The following CBX7 variants were observed in gnomAD, a reference collection of about 807,000 sequenced individuals.
CBX7 encodes chromobox protein homolog 7.
In CBX7, 14 loss-of-function variants were observed where a neutral mutation model predicts 31.4. The ratio of observed to expected loss-of-function variants is 0.45; its 90% CI spans 0.29 to 0.70. The LOEUF is 0.70. Among genes scored for constraint, CBX7 ranks in the 30% least tolerant of loss-of-function variants. The pLI is 0.11. For missense variants in CBX7, 269 were observed against 351.9 expected (o/e 0.76, Z 1.89); for synonymous variants, 159 against 152.6 (o/e 1.04, Z -0.31).
At position 39,133,744 on chromosome 22, in the gene CBX7, GGTGGGAGA is replaced by G; in HGVS notation, c.*139_*146del. On this transcript the variant is annotated 3_prime_UTR_variant, in exon 6 of 6. Transcript: ENST00000216133. Reference sequence around the variant, plus strand: ...AACGTCCCTCAGAGAAAGGGCAGGTGGTGGGAGAGTAGTGGGATCTTCTCCCCTTTTGC... The same window carrying G: ...AACGTCCCTCAGAGAAAGGGCAGGTGGTAGTGGGATCTTCTCCCCTTTTGC... The G allele has an allele frequency of 1.4e-6, 1 of 735,848 alleles. No homozygotes were observed. The highest frequency in any genetic ancestry group is 2.1e-6 in the Non-Finnish European group (1 of 480,850). 45.6% of individuals were successfully genotyped at this position (735,848 alleles called of 1,614,324 possible).
chr22:39,149,728 G>A (rs1930784352), intron 2 of CBX7, 61 bp downstream of exon 2: 2 of 1,473,546 alleles, frequency 1.4e-6, no homozygotes, highest in Non-Finnish European at 1.9e-6. Context: ...GCAAAAGGCA[G>A]GTGGAGGAAT....
At chr22:39,137,805 T>A (rs1049944162) in intron 4 of CBX7, among the ~76,000 whole-genome samples, 1 of 152,128 alleles carries the variant, frequency 6.6e-6, no homozygotes, top group Admixed American at 6.5e-5. Flanking sequence ...CCCAACTGAC[T>A]GAAGGCTGGA....
At chr22:39,141,116 T>C (rs562936643) in intron 3 of CBX7, 27 of 466,116 alleles carry the variant, frequency 5.8e-5, no homozygotes, top group Non-Finnish European at 8.5e-5. Context: ...GGTGGCCCAT[T>C]TGACAGCAGA....
intron 3 of CBX7, among the ~76,000 whole-genome samples, chr22:39,140,165 T>C (rs1463559289): frequency 6.6e-6 from 1 of 152,180 alleles, no homozygotes; most frequent in Non-Finnish European, 1.5e-5. Flanking sequence ...GCTCTTACTC[T>C]GAGCTTAGCA....
intron 3 of CBX7, among the ~76,000 whole-genome samples, chr22:39,140,376 C>A (rs1404401137): frequency 1.3e-5 from 2 of 152,116 alleles, no homozygotes; most frequent in African/African-American, 4.8e-5. Context: ...CAAGGCCCCA[C>A]CACACACCTG....
At chr22:39,145,452 G>A (rs1930614048) in intron 2 of CBX7, among the ~76,000 whole-genome samples, 1 of 152,134 alleles carries the variant, frequency 6.6e-6, no homozygotes, top group South Asian at 2.1e-4. Flanking sequence ...AGGAAAGCGG[G>A]CTCCCGCAAG....
intron 2 of CBX7, among the ~76,000 whole-genome samples, chr22:39,145,097 C>T (rs1201692155): frequency 5.3e-5 from 8 of 152,134 alleles, no homozygotes; most frequent in Admixed American, 2.0e-4. Context: ...GACCGCAGGG[C>T]GCGGCGCACA....
At chr22:39,148,919 G>C (rs935798893) in intron 2 of CBX7, 3 of 152,492 alleles carry the variant, frequency 2.0e-5, no homozygotes, top group African/African-American at 7.2e-5. Context: ...ACAGCAAAAA[G>C]TCCCTGCCCG....
At chr22:39,142,790 T>G (rs1930506045) in intron 2 of CBX7, among the ~76,000 whole-genome samples, 1 of 152,176 alleles carries the variant, frequency 6.6e-6, no homozygotes. Context: ...ATAACATTTC[T>G]GTCCGTGACG....
intron 4 of CBX7, chr22:39,136,524 CCT>C (rs1930259790): frequency 6.6e-6 from 1 of 152,300 alleles, no homozygotes; most frequent in Admixed American, 6.5e-5. Flanking sequence ...AGGACCAGTC[CCT>C]GTCAACGTCC....
At chr22:39,136,285 T>C (rs1267862207) in intron 4 of CBX7, 1 of 152,192 alleles carries the variant, frequency 6.6e-6, no homozygotes, top group East Asian at 1.9e-4. Flanking sequence ...ATGAAGAGAC[T>C]GTAGGAGCCA....
At chr22:39,142,867 C>T (rs1438548591) in intron 2 of CBX7, among the ~76,000 whole-genome samples, 4 of 152,076 alleles carry the variant, frequency 2.6e-5, no homozygotes, top group Non-Finnish European at 5.9e-5. Flanking sequence ...CATCTAGTGA[C>T]GTCTTGATGA....
chr22:39,136,472 G>A (rs1419433283), intron 4 of CBX7: 2 of 152,570 alleles, frequency 1.3e-5, no homozygotes, highest in East Asian at 3.9e-4. Flanking sequence ...TGGCTGCACT[G>A]TAAGGACACT....
intron 3 of CBX7, among the ~76,000 whole-genome samples, chr22:39,139,469 G>A (rs563875602): frequency 6.6e-6 from 1 of 152,192 alleles, no homozygotes; most frequent in Non-Finnish European, 1.5e-5. Flanking sequence ...TTGGGAGGCT[G>A]AGGCGGGCAG....
intron 3 of CBX7, 32 bp downstream of exon 3, chr22:39,141,339 A>C (rs1228292480): frequency 1.3e-6 from 2 of 1,595,674 alleles, no homozygotes; most frequent in South Asian, 1.1e-5. Flanking sequence ...GCCGGCCCTA[A>C]GCCCCACCCG....
In CBX7 at chr22:39,134,646, A is replaced by G; in HGVS notation, c.353T>C (p.Val118Ala). The change falls in exon 5 of 6, where the codon GTC becomes GCC. Residue 118 changes from valine (V) to alanine (A), a missense_variant. Physicochemically the swap from Val to Ala is moderately conservative, Grantham distance 64 (BLOSUM62 0). Transcript: ENST00000216133. ...PLGSGSPEGV[V>A]KAGAPELVDK... ...CACCAGCTCAGGTGCCCCCGCCTTG[A>G]CCACCCCCTCAGGGCTCCCGCTGCC... 6.3e-7 allele frequency: 1 copy of G among 1,588,394 alleles called. No homozygotes were observed. Among genetic ancestry groups the G allele is most frequent in the Non-Finnish European group, 8.6e-7 (1 of 1,167,180 alleles).
At position 39,131,692 on chromosome 22, in the gene CBX7, T is replaced by A. The variant is rs1368086554; in HGVS notation, c.*2199A>T. The stretch of plus-strand genomic sequence containing the variant: ...TCCTGCTGCTGCAGACAAAAGCAAC[T>A]GCAGCACCCACACAGAAAGCCCCGT... On this transcript the variant is annotated 3_prime_UTR_variant, in exon 6 of 6. Transcript: ENST00000216133. The A allele has an allele frequency of 1.3e-5, 2 of 152,218 alleles. No individual in the cohort carries two copies. Among genetic ancestry groups the A allele is most frequent in the African/African-American group, 2.4e-5 (1 of 41,438 alleles). 9.4% of individuals were successfully genotyped at this position (152,218 alleles called of 1,614,324 possible).
At chr22:39,137,680 C>A (rs551464592) in intron 4 of CBX7, among the ~76,000 whole-genome samples, 1 of 151,978 alleles carries the variant, frequency 6.6e-6, no homozygotes, top group South Asian at 2.1e-4. Flanking sequence ...GGAGACTCAA[C>A]CTGTGACTGC....
At chr22:39,150,198 G>C (rs1029989246) in intron 1 of CBX7, among the ~76,000 whole-genome samples, 1 of 152,192 alleles carries the variant, frequency 6.6e-6, no homozygotes, top group Non-Finnish European at 1.5e-5. Context: ...TGCACAGGTG[G>C]GAACGCTTAC....
Sources: gnomAD v4.1 joint callset for allele counts (sites outside exome capture counted in the v4.1 genomes callset) on GRCh38, gnomAD v4.1.1 for gene constraint, MANE v1.5 for transcripts, NCBI Gene and HGNC (gene_info 2026-07-23, HGNC 2026-07-21) for gene names.